The following C12orf42 variants were observed in gnomAD, a reference collection of about 807,000 sequenced individuals.
C12orf42 encodes uncharacterized protein C12orf42.
In C12orf42, 25 loss-of-function variants were observed where a neutral mutation model predicts 21.6. The observed-to-expected ratio is 1.16, with a 90% confidence interval of 0.84 to 1.62. The LOEUF is 1.62. Ranked by LOEUF, C12orf42 falls within the 40% of genes most tolerant of loss-of-function variation. C12orf42 has a pLI of 0.00. For synonymous variants in C12orf42, 174 were observed against 175.0 expected, an observed-to-expected ratio of 0.99 and a Z score of 0.05; for missense variants, 483 against 459.3, an observed-to-expected ratio of 1.05 and a Z score of -0.47.
chr12:103,396,183 G>C (rs1273074184), intron 3 of C12orf42, among the ~76,000 whole-genome samples: 3 of 151,940 alleles, frequency 2.0e-5, no homozygotes, highest in Non-Finnish European at 4.4e-5. Flanking sequence ...GGACCTGGTG[G>C]GAGGTGACTG....
chr12:103,484,012 T>C (rs1655795581), intron 1 of C12orf42, among the ~76,000 whole-genome samples: 2 of 152,238 alleles, frequency 1.3e-5, no homozygotes, highest in African/African-American at 2.4e-5. Context: ...TATGGCTGCA[T>C]AGTATTCCAT....
the C12orf42 span, among the ~76,000 whole-genome samples, chr12:103,506,837 A>ATATATATATTTATATAT: frequency 8.8e-5 from 4 of 45,338 alleles, 1 homozygote; most frequent in African/African-American, 9.3e-4. Flanking sequence ...TTTATATATT[A>ATATATATATTTATATAT]TATATATATA....
the C12orf42 span, among the ~76,000 whole-genome samples, chr12:103,129,855 A>G: frequency 6.6e-6 from 1 of 152,182 alleles, no homozygotes; most frequent in Non-Finnish European, 1.5e-5. Context: ...TTGTGGAGAC[A>G]TCTGTTACCA....
the C12orf42 span, among the ~76,000 whole-genome samples, chr12:103,161,017 A>C: frequency 6.6e-6 from 1 of 152,228 alleles, no homozygotes; most frequent in Non-Finnish European, 1.5e-5. Context: ...TGAAACGTTG[A>C]GCATAACGTC....
chr12:103,232,655 G>C (rs1380355976), downstream of C12orf42, among the ~76,000 whole-genome samples: 2 of 148,774 alleles, frequency 1.3e-5, no homozygotes, highest in African/African-American at 2.5e-5. Flanking sequence ...AGCTTGAAGT[G>C]AGCCGAGATC....
chr12:103,553,569 A>G, the C12orf42 span, among the ~76,000 whole-genome samples: 1 of 152,168 alleles, frequency 6.6e-6, no homozygotes, highest in African/African-American at 2.4e-5. Context: ...AAACAATTTC[A>G]TTAGTGTTAT....
chr12:103,475,040 T>C (rs565555039), intron 2 of C12orf42, among the ~76,000 whole-genome samples: 1 of 152,382 alleles, frequency 6.6e-6, no homozygotes, highest in African/African-American at 2.4e-5. Context: ...TTTATTTGCA[T>C]GTCTGTGTTT....
chr12:103,272,444 T>C (rs908546677), intron 5 of C12orf42, among the ~76,000 whole-genome samples: 9 of 152,178 alleles, frequency 5.9e-5, no homozygotes, highest in African/African-American at 2.2e-4. Flanking sequence ...TTGATGAAGA[T>C]CATTCGATTT....
chr12:103,530,436 C>T, the C12orf42 span, among the ~76,000 whole-genome samples: 1 of 152,200 alleles, frequency 6.6e-6, no homozygotes, highest in Non-Finnish European at 1.5e-5. Flanking sequence ...CTGACCCAGG[C>T]TTAGAAAAGG....
the C12orf42 span, among the ~76,000 whole-genome samples, chr12:103,059,154 A>G: frequency 6.6e-6 from 1 of 152,316 alleles, no homozygotes; most frequent in Non-Finnish European, 1.5e-5. Context: ...ATCACCACTG[A>G]TCCCACAAAA....
the C12orf42 span, chr12:103,548,562 G>A: frequency 6.6e-6 from 1 of 152,168 alleles, no homozygotes; most frequent in Non-Finnish European, 1.5e-5. Context: ...TATGAACTAT[G>A]AACAGAATAA....
chr12:103,475,902 A>C, intron 2 of C12orf42, among the ~76,000 whole-genome samples: 1 of 152,184 alleles, frequency 6.6e-6, no homozygotes, highest in East Asian at 1.9e-4. Context: ...CTCAACACAA[A>C]GCTGTGGGTA....
chr12:103,401,263 G>A (rs967759131), intron 3 of C12orf42, among the ~76,000 whole-genome samples: 1 of 152,122 alleles, frequency 6.6e-6, no homozygotes, highest in African/African-American at 2.4e-5. Context: ...ATGATGGTAA[G>A]ATAAAATTAT....
intron 4 of C12orf42, among the ~76,000 whole-genome samples, chr12:103,287,779 G>A (rs922496619): frequency 6.0e-5 from 9 of 150,942 alleles, no homozygotes; most frequent in Non-Finnish European, 1.2e-4. Context: ...CTAAACCTAC[G>A]CACACAAACA....
At chr12:103,394,874 G>A (rs1181057244) in intron 3 of C12orf42, among the ~76,000 whole-genome samples, 1 of 152,174 alleles carries the variant, frequency 6.6e-6, no homozygotes, top group Non-Finnish European at 1.5e-5. Context: ...TGGGAGATAT[G>A]GTACAAAGGT....
intron 4 of C12orf42, among the ~76,000 whole-genome samples, chr12:103,357,344 A>C (rs1189660263): frequency 6.6e-6 from 1 of 151,804 alleles, no homozygotes; most frequent in Non-Finnish European, 1.5e-5. Flanking sequence ...AATGAGATGT[A>C]GCTTTATAAT....
At chr12:103,484,051 G>C (rs959658250) in intron 1 of C12orf42, among the ~76,000 whole-genome samples, 15 of 152,100 alleles carry the variant, frequency 9.9e-5, no homozygotes, top group Middle Eastern at 3.4e-3. Context: ...TTTCTTAATC[G>C]AGTCTATCAT....
At chr12:103,477,451 T>C (rs564620488) in intron 2 of C12orf42, among the ~76,000 whole-genome samples, 2 of 152,216 alleles carry the variant, frequency 1.3e-5, no homozygotes, top group East Asian at 1.9e-4. Context: ...CAGATGTTCA[T>C]GTCCTAATGC....
intron 4 of C12orf42, among the ~76,000 whole-genome samples, chr12:103,317,357 A>C (rs7311606): frequency 0.039 from 5,962 of 152,278 alleles, 404 homozygotes; most frequent in African/African-American, 0.14. Context: ...ATAACTGCAG[A>C]GTATTCAGAT....
Sources: allele counts gnomAD v4.1 joint callset (sites outside exome capture counted in the v4.1 genomes callset), GRCh38; gene constraint gnomAD v4.1.1; transcripts MANE v1.5; gene names NCBI Gene and HGNC (gene_info 2026-07-23, HGNC 2026-07-21).